Variants in C8orf88 observed in about 807,000 individuals in gnomAD.
C8orf88 encodes the protein chromosome 8 open reading frame 88.
Under a neutral mutation model 18.4 loss-of-function variants are expected in C8orf88, and 14 were observed. That is an observed-to-expected ratio of 0.76 (90% confidence interval 0.50 to 1.19). C8orf88 has a LOEUF of 1.19. C8orf88 is among the 50% of genes most tolerant of loss of function. The pLI is 0.00. For missense variants in C8orf88, 116 were observed against 134.7 expected, an observed-to-expected ratio of 0.86 and a Z score of 0.69; for synonymous variants, 45 against 42.9, an observed-to-expected ratio of 1.05 and a Z score of -0.19.
chr8:90,967,750 TTCATA>T (rs1474856397), intron 4 of C8orf88, among the ~76,000 whole-genome samples: 2 of 151,790 alleles, frequency 1.3e-5, no homozygotes, highest in East Asian at 1.9e-4. Context: ...TTTTCATAAA[TTCATA>T]GTAATGTCCC....
intron 2 of C8orf88, among the ~76,000 whole-genome samples, chr8:90,979,086 G>T (rs936712872): frequency 2.0e-5 from 3 of 152,176 alleles, no homozygotes; most frequent in Admixed American, 2.0e-4. Flanking sequence ...GAGTATGTAA[G>T]CGTGTTAAGA....
intron 1 of C8orf88, among the ~76,000 whole-genome samples, chr8:90,982,259 T>A (rs1811444639): frequency 6.6e-6 from 1 of 152,094 alleles, no homozygotes; most frequent in Admixed American, 6.5e-5. Context: ...ATAGAAAAAA[T>A]ACTTCAAATA....
chr8:90,959,331 C>A, intron 5 of C8orf88: 1 of 173,658 alleles, frequency 5.8e-6, no homozygotes, highest in Non-Finnish European at 1.2e-5. Flanking sequence ...TTCTAATGTA[C>A]AAGTTTGTTT....
intron 4 of C8orf88, among the ~76,000 whole-genome samples, chr8:90,969,883 G>A (rs1355309618): frequency 6.6e-6 from 1 of 151,762 alleles, no homozygotes; most frequent in African/African-American, 2.4e-5. Flanking sequence ...AAAAAAAGCT[G>A]CACATTAGTA....
In C8orf88 at chr8:90,962,906, A is replaced by G. The variant is rs141511903; in HGVS notation, c.224-2058T>C. Among the ~76,000 whole-genome samples, 205 of 151,742 alleles carry G rather than the reference A, an allele frequency of 1.4e-3. 1 individual carries two copies. The highest frequency in any genetic ancestry group is 4.8e-3 in the African/African-American group (199 of 41,482). On this transcript the variant is annotated intron_variant, in intron 4 of 5. Coordinates refer to ENST00000517562, the MANE Select transcript of C8orf88 (RefSeq NM_001190972.2). ...GGCATACCAAAAAGTTTCGGAGGAA[A>G]AACTGAAAAAACAGGATGCTTTGAG...
intron 3 of C8orf88, among the ~76,000 whole-genome samples, chr8:90,975,628 A>T (rs1225377679): frequency 6.6e-6 from 1 of 152,126 alleles, no homozygotes; most frequent in African/African-American, 2.4e-5. Flanking sequence ...GCTAAAAATA[A>T]AAAGATTGAC....
intron 3 of C8orf88, among the ~76,000 whole-genome samples, chr8:90,973,172 G>A (rs925903114): frequency 6.6e-6 from 1 of 152,082 alleles, no homozygotes; most frequent in African/African-American, 2.4e-5. Flanking sequence ...TACAATAAAA[G>A]GACTGAGTCA....
At chr8:90,981,264 T>C (rs1444335022) in intron 1 of C8orf88, among the ~76,000 whole-genome samples, 1 of 152,202 alleles carries the variant, frequency 6.6e-6, no homozygotes, top group Non-Finnish European at 1.5e-5. Context: ...TGCCTTCAAT[T>C]TGATGGGCTA....
In C8orf88 at chr8:90,975,458, T is replaced by A. The variant is rs182303122; in HGVS notation, c.147+3121A>T. On this transcript the variant is annotated intron_variant, in intron 3 of 5. Transcript: ENST00000517562. The stretch of plus-strand genomic sequence containing the variant: ...CAAATAATAGAAATAGTCAAAAAGA[T>A]ATGAACAGACACGCCATCAAAAAAA... Among the ~76,000 whole-genome samples the A allele has an allele frequency of 1.8e-3, 267 of 151,960 alleles. 2 individuals are homozygous for A. Among genetic ancestry groups the A allele is most frequent in the Middle Eastern group, 0.01 (3 of 294 alleles).
chr8:90,985,328 G>T (rs2631020), upstream of C8orf88: 1 of 151,232 alleles, frequency 6.6e-6, no homozygotes, highest in Non-Finnish European at 1.5e-5. Flanking sequence ...CCCAGGGCGG[G>T]CGCGGGGCGT....
intron 1 of C8orf88, among the ~76,000 whole-genome samples, chr8:90,984,077 A>G (rs998129740): frequency 6.6e-6 from 1 of 152,220 alleles, no homozygotes; most frequent in Non-Finnish European, 1.5e-5. Flanking sequence ...ACCATAGATC[A>G]CAGCATATGA....
intron 4 of C8orf88, among the ~76,000 whole-genome samples, chr8:90,970,785 G>A (rs1185264150): frequency 6.6e-6 from 1 of 151,902 alleles, no homozygotes; most frequent in Admixed American, 6.6e-5. Context: ...ACAGAACAGT[G>A]GGAAAATAGA....
chr8:90,960,984 G>GA, intron 4 of C8orf88, 136 bp from the exon 5 acceptor site: 1 of 417,104 alleles, frequency 2.4e-6, no homozygotes, highest in East Asian at 3.6e-5. Context: ...AAGAGAAGGA[G>GA]AAAAAAGGCT....
chr8:90,962,793 G>C (rs1811147545), intron 4 of C8orf88, among the ~76,000 whole-genome samples: 1 of 151,600 alleles, frequency 6.6e-6, no homozygotes, highest in African/African-American at 2.4e-5. Flanking sequence ...TAAAGCTGCT[G>C]CCCAAAGTCC....
At chr8:90,984,257 C>G (rs974628252) in intron 1 of C8orf88, among the ~76,000 whole-genome samples, 2 of 152,128 alleles carry the variant, frequency 1.3e-5, no homozygotes, top group African/African-American at 4.8e-5. Context: ...GTGTATAATT[C>G]CCATATGATA....
intron 4 of C8orf88, among the ~76,000 whole-genome samples, chr8:90,966,475 C>T (rs1811200060): frequency 6.9e-6 from 1 of 144,208 alleles, no homozygotes; most frequent in Non-Finnish European, 1.5e-5. Flanking sequence ...GAACATTGTG[C>T]ACATGTACCC....
At position 90,958,986 on chromosome 8, in the gene C8orf88, A is replaced by T. The variant is rs1811083604; in HGVS notation, c.*21T>A. ...CCTCATTTGCAGATGTCCAAACTTA[A>T]ATTCATCTGTTCTTAAAATGCTACT... On this transcript the variant is annotated 3_prime_UTR_variant, in exon 6 of 6. Coordinates refer to ENST00000517562, the MANE Select transcript of C8orf88 (RefSeq NM_001190972.2). 3 of 1,400,670 alleles carry T rather than the reference A, an allele frequency of 2.1e-6. No homozygotes were observed. The South Asian group carries it at 4.0e-5, about 19-fold the overall frequency. 86.8% of individuals were successfully genotyped at this position (1,400,670 alleles called of 1,614,324 possible).
chr8:90,980,592 A>G, intron 1 of C8orf88, 131 bp from the exon 2 acceptor site: 1 of 512,178 alleles, frequency 2.0e-6, no homozygotes, highest in Non-Finnish European at 3.4e-6. Context: ...AAACACAAAA[A>G]AGCATTTAAT....
At chr8:90,963,579 A>G (rs1035398855) in intron 4 of C8orf88, among the ~76,000 whole-genome samples, 1 of 151,802 alleles carries the variant, frequency 6.6e-6, no homozygotes, top group African/African-American at 2.4e-5. Flanking sequence ...AATTATGAGA[A>G]GAGTGTCTCA....
Sources: allele counts gnomAD v4.1 joint callset (sites outside exome capture counted in the v4.1 genomes callset), GRCh38; gene constraint gnomAD v4.1.1; transcripts MANE v1.5; gene names NCBI Gene and HGNC (gene_info 2026-07-23, HGNC 2026-07-21).